Variants in SYT16 observed in about 807,000 individuals in gnomAD.
SYT16 encodes synaptotagmin 16, also known as synaptotagmin-16.
A neutral mutation model predicts 61.4 loss-of-function variants in SYT16; 42 were observed. That is an observed-to-expected ratio of 0.68 (90% CI 0.53 to 0.89). SYT16 has a LOEUF of 0.89. SYT16 is among the 40% of genes least tolerant of loss of function. The pLI, the probability that SYT16 is intolerant of heterozygous loss-of-function variation, is 0.00. For missense variants in SYT16, 804 were observed against 807.3 expected, an observed-to-expected ratio of 1.00 and a Z score of 0.05; for synonymous variants, 314 against 302.3, an observed-to-expected ratio of 1.04 and a Z score of -0.40.
At chr14:61,950,751 A>C (rs955521365) in intron 1 of SYT16, among the ~76,000 whole-genome samples, 6 of 152,240 alleles carry the variant, frequency 3.9e-5, no homozygotes, top group African/African-American at 1.4e-4. Context: ...CAAGGATATA[A>C]TGAAATGAAA....
At chr14:62,000,371 A>G (rs1461536585) in intron 3 of SYT16, among the ~76,000 whole-genome samples, 1 of 151,766 alleles carries the variant, frequency 6.6e-6, no homozygotes, top group African/African-American at 2.4e-5. Flanking sequence ...CTTTGATATT[A>G]ATACAGCTGC....
chr14:61,954,990 A>G (rs1388603978), intron 1 of SYT16, among the ~76,000 whole-genome samples: 1 of 152,162 alleles, frequency 6.6e-6, no homozygotes, highest in African/African-American at 2.4e-5. Flanking sequence ...GATAAAATTC[A>G]TATATCATAA....
At chr14:62,085,484 A>G (rs1437690301) in intron 7 of SYT16, among the ~76,000 whole-genome samples, 1 of 152,200 alleles carries the variant, frequency 6.6e-6, no homozygotes, top group Admixed American at 6.5e-5. Context: ...TGAAATCAGT[A>G]TATTTGTGGC....
At chr14:62,068,365 AAAAACAAAACAAAACAAAACAAAAC>A (rs57308262) in intron 3 of SYT16, among the ~76,000 whole-genome samples, 1 of 150,330 alleles carries the variant, frequency 6.7e-6, no homozygotes, top group East Asian at 2.0e-4. Flanking sequence ...TGGAATCTAA[AAAAACAAAACAAAACAAAACAAAAC>A]AAAACAAAAC....
In SYT16 at chr14:62,019,236, C is replaced by G. The variant is rs115262643; in HGVS notation, c.523+22694C>G. 4.7e-3 allele frequency among the ~76,000 whole-genome samples: 720 copies of G among 152,322 alleles called. 4 individuals carry two copies. Among genetic ancestry groups the G allele is most frequent in the African/African-American group, 0.017 (688 of 41,568 alleles). On this transcript the variant is annotated intron_variant, in intron 3 of 7. Coordinates refer to ENST00000683842, the MANE Select transcript of SYT16 (RefSeq NM_001367656.1). ...TTTTTAAGCTTGAATTTTAGCAGATCATCTAGCAGAATTAGAATGCGCCTT... is the reference window on the plus strand; with the variant it reads ...TTTTTAAGCTTGAATTTTAGCAGATGATCTAGCAGAATTAGAATGCGCCTT...
intron 1 of SYT16, among the ~76,000 whole-genome samples, chr14:61,813,616 T>C (rs1594665736): frequency 6.6e-6 from 1 of 152,026 alleles, no homozygotes; most frequent in African/African-American, 2.4e-5. Context: ...GATGAGTGAA[T>C]GGGGCTGGAT....
At chr14:61,820,154 A>T (rs907277039) in intron 1 of SYT16, among the ~76,000 whole-genome samples, 7 of 152,254 alleles carry the variant, frequency 4.6e-5, no homozygotes, top group Non-Finnish European at 1.5e-5. Context: ...CAGAACTCAG[A>T]TTTTAAATAG....
At position 62,106,658 on chromosome 14, in the gene SYT16, T is replaced by C. The variant is rs964016039; in HGVS notation, c.*5951T>C. 6.6e-6 allele frequency: 1 copy of C among 152,254 alleles called. No homozygotes were observed. Among genetic ancestry groups the C allele is most frequent in the African/African-American group, 2.4e-5 (1 of 41,458 alleles). 9.4% of individuals were successfully genotyped at this position (152,254 alleles called of 1,614,324 possible). ...TTTCTCTGCATCATAGAAAGTTTTCTCTGAAGAGTTCCTATTTGGGTTTTG... is the reference window on the plus strand; with the variant it reads ...TTTCTCTGCATCATAGAAAGTTTTCCCTGAAGAGTTCCTATTTGGGTTTTG... On this transcript the variant is annotated 3_prime_UTR_variant, in exon 8 of 8. Coordinates refer to ENST00000683842, the MANE Select transcript of SYT16 (RefSeq NM_001367656.1).
At chr14:61,930,900 C>T (rs1247220416) in intron 1 of SYT16, among the ~76,000 whole-genome samples, 1 of 152,144 alleles carries the variant, frequency 6.6e-6, no homozygotes, top group Non-Finnish European at 1.5e-5. Flanking sequence ...AAAATGGATT[C>T]TCTTTTAGTG....
intron 4 of SYT16, among the ~76,000 whole-genome samples, chr14:62,073,666 C>T (rs921242459): frequency 5.9e-5 from 9 of 152,120 alleles, no homozygotes; most frequent in Admixed American, 6.5e-5. Context: ...AGTTCTGCCC[C>T]GAGGATCTGC....
chr14:61,980,726 A>C (rs2052032643), intron 2 of SYT16, among the ~76,000 whole-genome samples: 2 of 152,228 alleles, frequency 1.3e-5, no homozygotes, highest in Non-Finnish European at 2.9e-5. Flanking sequence ...ACAGGGAAAA[A>C]CAAAACCAAA....
At chr14:61,892,746 C>CA (rs2048181273) in intron 1 of SYT16, among the ~76,000 whole-genome samples, 2 of 152,104 alleles carry the variant, frequency 1.3e-5, no homozygotes, top group African/African-American at 2.4e-5. Flanking sequence ...CATCAGAGTG[C>CA]TGGAGAAGGG....
At chr14:62,112,577 TAAAA>T (rs562162249), downstream of SYT16, 1 of 152,106 alleles carries the variant, frequency 6.6e-6, no homozygotes, top group East Asian at 1.9e-4. Flanking sequence ...TTTTTTATGT[TAAAA>T]AAAGATACAG....
At chr14:62,071,392 C>T (rs1566819442) in intron 4 of SYT16, among the ~76,000 whole-genome samples, 1 of 152,204 alleles carries the variant, frequency 6.6e-6, no homozygotes, top group Non-Finnish European at 1.5e-5. Flanking sequence ...CATTCTAACC[C>T]TTATCCTTCC....
At chr14:61,878,303 G>T (rs57808251) in intron 1 of SYT16, among the ~76,000 whole-genome samples, 6,506 of 152,212 alleles carry the variant, frequency 0.043, 508 homozygotes, top group African/African-American at 0.15. Context: ...GTTATTTCTT[G>T]CCTCCTTTTT....
intron 3 of SYT16, among the ~76,000 whole-genome samples, chr14:62,013,728 G>T (rs1215535930): frequency 6.6e-6 from 1 of 152,136 alleles, no homozygotes; most frequent in Admixed American, 6.5e-5. Flanking sequence ...AACGTTGGGA[G>T]ACCGAGGCAG....
At chr14:62,057,015 G>A (rs1169271859) in intron 3 of SYT16, among the ~76,000 whole-genome samples, 15 of 152,164 alleles carry the variant, frequency 9.9e-5, no homozygotes, top group Non-Finnish European at 2.1e-4. Context: ...GCGCACGACC[G>A]GGGACAGGAG....
At chr14:61,989,155 C>T (rs1182658588) in intron 2 of SYT16, among the ~76,000 whole-genome samples, 38 of 151,856 alleles carry the variant, frequency 2.5e-4, no homozygotes, top group African/African-American at 8.7e-4. Context: ...CCATTTTTTC[C>T]GTGGTATTAG....
intron 3 of SYT16, among the ~76,000 whole-genome samples, chr14:62,069,141 T>C (rs1234109737): frequency 6.6e-6 from 1 of 152,164 alleles, no homozygotes; most frequent in Non-Finnish European, 1.5e-5. Flanking sequence ...TAAAATCGTG[T>C]TGTAGATATT....
Sources: allele counts gnomAD v4.1 joint callset (sites outside exome capture counted in the v4.1 genomes callset), GRCh38; gene constraint gnomAD v4.1.1; transcripts MANE v1.5; gene names NCBI Gene and HGNC (gene_info 2026-07-23, HGNC 2026-07-21).